EPB41: variants seen among roughly 807,000 people sequenced by gnomAD.
EPB41 encodes protein 4.1.
Under a neutral mutation model 108.0 loss-of-function variants are expected in EPB41, and 65 were observed. The ratio of observed to expected loss-of-function variants is 0.60; its 90% CI spans 0.49 to 0.74. The LOEUF (loss-of-function observed/expected upper bound fraction) is 0.74. Ranked by LOEUF, EPB41 falls within the 30% of genes least tolerant of loss-of-function variation. The pLI is 0.00. For synonymous variants in EPB41, 336 were observed against 358.9 expected (o/e 0.94, Z 0.72); for missense variants, 875 against 1,037.0 (o/e 0.84, Z 2.15).
intron 1 of EPB41, among the ~76,000 whole-genome samples, chr1:28,952,113 T>C (rs2094751405): frequency 6.6e-6 from 1 of 152,046 alleles, no homozygotes; most frequent in African/African-American, 2.4e-5. Flanking sequence ...TTAAACTGGG[T>C]CAAATTGAAT....
At chr1:29,031,243 A>G (rs1056081318) in intron 8 of EPB41, among the ~76,000 whole-genome samples, 7 of 152,206 alleles carry the variant, frequency 4.6e-5, no homozygotes, top group African/African-American at 1.7e-4. Context: ...CCCTAGAGAA[A>G]AAGAAATTGA....
chr1:28,914,284 C>T (rs150980287), upstream of EPB41, among the ~76,000 whole-genome samples: 10 of 152,370 alleles, frequency 6.6e-5, no homozygotes, highest in African/African-American at 2.4e-4. Flanking sequence ...CCCGGAACAC[C>T]CCGGCTCCAG....
Position 29,015,675 on chromosome 1 carries a change from T to C in EPB41, c.830-17T>C. ...CTTAGGTATAAACGTAAAATTCTTTTGTGTTTATTTTTATAGGTGTCCCTT... is the reference window on the plus strand; with the variant it reads ...CTTAGGTATAAACGTAAAATTCTTTCGTGTTTATTTTTATAGGTGTCCCTT... On this transcript the variant is annotated splice_polypyrimidine_tract_variant and intron_variant, in intron 5 of 20. Transcript: ENST00000343067. 6.5e-7 allele frequency: 1 copy of C among 1,532,350 alleles called. No homozygotes were observed. Among genetic ancestry groups the C allele is most frequent in the South Asian group, 1.1e-5 (1 of 88,790 alleles). The allele number at this position is 1,532,350 out of a possible 1,614,324, so 94.9% of individuals were successfully genotyped here.
chr1:28,932,754 C>A (rs1398058015), intron 1 of EPB41, among the ~76,000 whole-genome samples: 1 of 152,130 alleles, frequency 6.6e-6, no homozygotes, highest in Non-Finnish European at 1.5e-5. Context: ...ATATGCTCTG[C>A]AAATCACTTA....
At chr1:28,980,790 A>G (rs1473396574) in intron 1 of EPB41, among the ~76,000 whole-genome samples, 2 of 142,984 alleles carry the variant, frequency 1.4e-5, no homozygotes, top group Admixed American at 7.1e-5. Flanking sequence ...ATGATATTCC[A>G]GGAGTTTTTT....
intron 1 of EPB41, among the ~76,000 whole-genome samples, chr1:28,919,409 A>T (rs761442760): frequency 6.6e-6 from 1 of 151,948 alleles, no homozygotes; most frequent in South Asian, 2.1e-4. Flanking sequence ...TGGGAGCTTG[A>T]TATCCAAATA....
chr1:29,024,424 G>C (rs2096690272), intron 7 of EPB41, among the ~76,000 whole-genome samples: 1 of 151,778 alleles, frequency 6.6e-6, no homozygotes, highest in East Asian at 1.9e-4. Context: ...ACGAGGTCAG[G>C]AGTTCAAGAC....
intron 17 of EPB41, among the ~76,000 whole-genome samples, chr1:29,099,289 A>G (rs1664425816): frequency 1.3e-5 from 2 of 150,168 alleles, no homozygotes; most frequent in East Asian, 2.0e-4. Context: ...AAAAAAAAGA[A>G]GAAGAAGAAG....
At chr1:28,901,505 G>A (rs2091314744) in intron 1 of EPB41, among the ~76,000 whole-genome samples, 1 of 151,884 alleles carries the variant, frequency 6.6e-6, no homozygotes, top group African/African-American at 2.4e-5. Flanking sequence ...TTACAGGCGT[G>A]AGCCACTGCA....
At chr1:28,964,622 TA>T (rs1379319154) in intron 1 of EPB41, among the ~76,000 whole-genome samples, 1 of 147,178 alleles carries the variant, frequency 6.8e-6, no homozygotes, top group Admixed American at 6.7e-5. Flanking sequence ...AATAAATAAA[TA>T]AATAAAATAA....
At chr1:29,035,776 C>G in intron 9 of EPB41, 50 bp from the exon 10 acceptor site, 1 of 1,319,208 alleles carries the variant, frequency 7.6e-7, no homozygotes, top group African/African-American at 1.4e-5. Flanking sequence ...TAATCTGGTA[C>G]TGTATCACAT....
At chr1:28,932,099 A>G (rs528218390) in intron 1 of EPB41, among the ~76,000 whole-genome samples, 30 of 152,132 alleles carry the variant, frequency 2.0e-4, no homozygotes, top group Non-Finnish European at 3.5e-4. Flanking sequence ...TTAATGTTCA[A>G]CTAGAAACTT....
chr1:28,910,893 G>T, upstream of EPB41: 1 of 827,874 alleles, frequency 1.2e-6, no homozygotes, highest in Non-Finnish European at 1.5e-6. Context: ...GCGAGATAGA[G>T]ATGGTCCTTA....
At chr1:29,013,839 T>G (rs929970205) in intron 5 of EPB41, among the ~76,000 whole-genome samples, 2 of 144,632 alleles carry the variant, frequency 1.4e-5, no homozygotes, top group Non-Finnish European at 3.0e-5. Flanking sequence ...CTTAAGTTTT[T>G]TTTTTTTTTT....
At chr1:28,943,116 T>C (rs548198676) in intron 1 of EPB41, among the ~76,000 whole-genome samples, 3 of 152,174 alleles carry the variant, frequency 2.0e-5, no homozygotes, top group Non-Finnish European at 2.9e-5. Flanking sequence ...CTCCTACTTA[T>C]ATACCAGGAG....
At position 28,887,605 on chromosome 1, in the gene EPB41, C is replaced by T. The variant is rs1557596067; in HGVS notation, c.-8+395C>T. Reference sequence around the variant, plus strand: ...CCGCCTTGCCCGGCCCCGCATGCTCCTGCCGGGCCCGCAGCAGCGCTGGAG... The same window carrying T: ...CCGCCTTGCCCGGCCCCGCATGCTCTTGCCGGGCCCGCAGCAGCGCTGGAG... On this transcript the variant is annotated intron_variant, in intron 1 of 16. Transcript: ENST00000347529. This position sits in a 1 kb window ranked among gnomAD's most constrained non-coding sequence, Gnocchi z 4.9. 13 of 985,140 alleles carry T rather than the reference C, an allele frequency of 1.3e-5. No homozygotes were observed. The highest frequency in any genetic ancestry group is 1.6e-5 in the Non-Finnish European group (13 of 829,850). The allele number at this position is 985,140 out of a possible 1,614,324, so 61.0% of individuals were successfully genotyped here.
intron 19 of EPB41, 79 bp downstream of exon 19, chr1:29,112,527 T>G: frequency 8.3e-7 from 1 of 1,205,040 alleles, no homozygotes; most frequent in Non-Finnish European, 1.2e-6. Flanking sequence ...TTGTTTGCCA[T>G]CTTCATCTGC....
At chr1:28,958,984 G>A (rs1184365971) in intron 1 of EPB41, among the ~76,000 whole-genome samples, 2 of 152,048 alleles carry the variant, frequency 1.3e-5, no homozygotes, top group African/African-American at 4.8e-5. Flanking sequence ...GTGTGGGCAG[G>A]GCTTTGAAGG....
chr1:29,086,832 G>A (rs1333329770), intron 16 of EPB41, among the ~76,000 whole-genome samples: 1 of 151,646 alleles, frequency 6.6e-6, no homozygotes, highest in Admixed American at 6.6e-5. Flanking sequence ...TACTACACAG[G>A]TACTCATACA....
Sources: allele counts gnomAD v4.1 joint callset (sites outside exome capture counted in the v4.1 genomes callset), GRCh38; gene constraint gnomAD v4.1.1; non-coding constraint Gnocchi (gnomAD v3.1); transcripts MANE v1.5; gene names NCBI Gene and HGNC (gene_info 2026-07-23, HGNC 2026-07-21).